Variants in MYH14 observed in about 807,000 individuals in gnomAD.
The protein encoded by MYH14 is myosin-14.
MYH14 carries 123 observed loss-of-function variants against 255.5 expected under a neutral mutation model. The observed-to-expected ratio is 0.48, with a 90% CI of 0.42 to 0.56. The LOEUF (loss-of-function observed/expected upper bound fraction) is 0.56. Among genes scored for constraint, MYH14 ranks in the 20% least tolerant of loss-of-function variants. The pLI is 0.00. For synonymous variants in MYH14, 1,095 were observed against 1,161.2 expected, an observed-to-expected ratio of 0.94 and a Z score of 1.16; for missense variants, 2,423 against 2,802.3, an observed-to-expected ratio of 0.86 and a Z score of 3.06.
At position 50,272,594 on chromosome 19, in the gene MYH14, G is replaced by A; in HGVS notation, c.3330G>A (p.Glu1110=). The A allele has an allele frequency of 6.3e-7, 1 of 1,580,956 alleles. No homozygotes were observed. Among genetic ancestry groups the A allele is most frequent in the Non-Finnish European group, 8.6e-7 (1 of 1,164,404 alleles). ...RLRKEEKGRQ[E]LEKLKRRLDG... is the part of the protein sequence containing the mutation. ...GGAAGGAGGAGAAGGGTCGCCAGGA[G>A]CTGGAGAAGCTGAAGCGGAGGCTGG... is the stretch of plus-strand genomic sequence containing the variant. Residue 1110 remains glutamate, a synonymous_variant, in exon 27 of 43, where the codon GAG becomes GAA. Coordinates refer to ENST00000642316, the MANE Select transcript of MYH14 (RefSeq NM_001145809.2).
intron 5 of MYH14, 25 bp from the exon 6 acceptor site, chr19:50,224,129 G>C: frequency 6.2e-7 from 1 of 1,611,758 alleles, no homozygotes; most frequent in Non-Finnish European, 8.5e-7. Context: ...CCTGGTCCGT[G>C]TCTCGTGTCC....
At chr19:50,225,465 A>G (rs572328363) in intron 6 of MYH14, 120 bp from the exon 7 acceptor site, 13 of 706,868 alleles carry the variant, frequency 1.8e-5, no homozygotes, top group Non-Finnish European at 2.9e-5. Context: ...ACACGCCCAG[A>G]CACACAAAGG....
intron 2 of MYH14, among the ~76,000 whole-genome samples, chr19:50,213,140 T>C (rs370985032): frequency 6.6e-6 from 1 of 151,850 alleles, no homozygotes. Flanking sequence ...TTTAGTAGAG[T>C]TGGGGTTTCA....
intron 39 of MYH14, among the ~76,000 whole-genome samples, chr19:50,295,541 G>T (rs748332943): frequency 3.9e-5 from 6 of 151,908 alleles, no homozygotes; most frequent in Admixed American, 2.6e-4. Flanking sequence ...AGTGGGTCAC[G>T]CCTGGAATCC....
Position 50,250,770 on chromosome 19 carries a change from G to A in MYH14, c.1830+82G>A. On this transcript the variant is annotated intron_variant, in intron 15 of 42. Coordinates refer to ENST00000642316, the MANE Select transcript of MYH14 (RefSeq NM_001145809.2). The surrounding 1 kb of genome is among the most constrained non-coding windows in gnomAD (Gnocchi z 5.4). ...TGGCTACAGATGGGGGGAGGGTGCA[G>A]AGGGAAAACAGGGTCCTCCTGAGGT... 1 of 1,441,840 alleles carries A rather than the reference G, an allele frequency of 6.9e-7. No homozygotes were observed. The highest frequency in any genetic ancestry group is 1.3e-5 in the South Asian group (1 of 77,160). The allele number at this position is 1,441,840 out of a possible 1,614,324, so 89.3% of individuals were successfully genotyped here.
intron 40 of MYH14, among the ~76,000 whole-genome samples, chr19:50,302,109 T>C (rs2036503345): frequency 2.0e-5 from 2 of 101,772 alleles, no homozygotes; most frequent in Admixed American, 1.2e-4. Context: ...CAAGACCTCA[T>C]CTCTAAAAAA....
In MYH14 at chr19:50,280,256, C is replaced by A; in HGVS notation, c.4163C>A (p.Ala1388Glu). The change falls in exon 32 of 43, where the codon GCG becomes GAG. Residue 1388 changes from alanine (A) to glutamate (E), a missense_variant. By Grantham distance (107) the Ala-to-Glu change is moderately radical (BLOSUM62 -1). Transcript: ENST00000642316. This position sits in a 1 kb window ranked among gnomAD's most constrained non-coding sequence, Gnocchi z 4.8. The stretch of plus-strand genomic sequence containing the variant: ...GAGCTGCTGCAGGAGGAGACCAGGG[C>A]GAAATTGGCCTTGGGGTCCCGGGTG... Reference protein sequence around the residue: ...AQELLQEETRAKLALGSRVRA... With the variant: ...AQELLQEETREKLALGSRVRA... The A allele has an allele frequency of 1.3e-6, 2 of 1,551,686 alleles. No individual in the cohort carries two copies. Among genetic ancestry groups the A allele is most frequent in the Non-Finnish European group, 8.7e-7 (1 of 1,146,980 alleles).
At chr19:50,213,911 A>G (rs1267225918) in intron 2 of MYH14, among the ~76,000 whole-genome samples, 1 of 151,866 alleles carries the variant, frequency 6.6e-6, no homozygotes, top group Non-Finnish European at 1.5e-5. Context: ...CTGCAGCTCA[A>G]CCTCCTGGGC....
Position 50,292,310 on chromosome 19 carries a change from G to A in MYH14, c.5177G>A (p.Arg1726Gln), listed in dbSNP as rs747204998. 61 of 1,598,518 alleles carry A rather than the reference G, an allele frequency of 3.8e-5. No individual in the cohort carries two copies. Among genetic ancestry groups the A allele is most frequent in the African/African-American group, 2.5e-4 (19 of 74,624 alleles). ...WREVEETRTS[R>Q]EEIFSQNRES... is the part of the protein sequence containing the mutation. The stretch of plus-strand genomic sequence containing the variant: ...GAGGTGGAGGAGACACGCACCTCCC[G>A]GGAGGAGATCTTCTCCCAGAATCGG... Residue 1726 changes from arginine to glutamine, a missense_variant, in exon 37 of 43, where the codon CGG becomes CAG. By Grantham distance (43) the Arg-to-Gln change is conservative. Around this residue, in one of 3 missense-constraint regions of MYH14, gnomAD observed 1,513 missense variants for 1,674.8 expected, o/e 0.90. Transcript: ENST00000642316.
chr19:50,309,371 C>G (rs531772964), intron 42 of MYH14, 194 bp downstream of exon 42: 1 of 631,654 alleles, frequency 1.6e-6, no homozygotes, highest in African/African-American at 1.8e-5. Context: ...CCATTTCTCC[C>G]TGTCATCTCT....
intron 8 of MYH14, among the ~76,000 whole-genome samples, chr19:50,229,150 T>G (rs949682321): frequency 6.6e-6 from 1 of 152,156 alleles, no homozygotes; most frequent in Non-Finnish European, 1.5e-5. Context: ...CTCCCTGCCT[T>G]CCAGCTTTCC....
chr19:50,231,843 A>G (rs772449017), intron 9 of MYH14, 87 bp from the exon 10 acceptor site: 11 of 1,557,824 alleles, frequency 7.1e-6, no homozygotes, highest in Non-Finnish European at 7.9e-6. Context: ...AGGATATGGC[A>G]TGTCCTGGGA....
At chr19:50,245,461 A>T (rs2034074464) in intron 11 of MYH14, among the ~76,000 whole-genome samples, 1 of 150,164 alleles carries the variant, frequency 6.7e-6, no homozygotes, top group Non-Finnish European at 1.5e-5. Context: ...AAGAAGAAGA[A>T]AGAAAGAAAA....
intron 34 of MYH14, among the ~76,000 whole-genome samples, chr19:50,286,901 T>C (rs1472837722): frequency 6.6e-6 from 1 of 152,138 alleles, no homozygotes; most frequent in East Asian, 1.9e-4. Context: ...GCGGATCACC[T>C]GAGGTCAGGA....
Position 50,216,807 on chromosome 19 carries a change from T to C in MYH14, c.406-808T>C, listed in dbSNP as rs1294116626. Among the ~76,000 whole-genome samples, 240 of 76,442 alleles carry C rather than the reference T, an allele frequency of 3.1e-3. 1 individual carries two copies. Among genetic ancestry groups the C allele is most frequent in the African/African-American group, 7.4e-3 (218 of 29,306 alleles). 50.1% of individuals were successfully genotyped at this position (76,442 alleles called of 152,430 possible). On this transcript the variant is annotated intron_variant, in intron 2 of 42. Coordinates refer to ENST00000642316, the MANE Select transcript of MYH14 (RefSeq NM_001145809.2). ...GATTCCTCTTCCATCCTTTCTTTTT[T>C]TTTTTTTTTTTTTTTTTTGAGACAG...
At chr19:50,277,992 A>G in intron 29 of MYH14, 91 bp from the exon 30 acceptor site, 1 of 941,262 alleles carries the variant, frequency 1.1e-6, no homozygotes, top group Admixed American at 3.3e-5. Flanking sequence ...GGCAGAGGGA[A>G]CAGCCAGTGC....
rs765116556 is a variant in MYH14 at position 50,210,505 on chromosome 19, A to G, written c.140A>G (p.Gln47Arg). 1 of 1,566,376 alleles carries G rather than the reference A, an allele frequency of 6.4e-7. No individual in the cohort carries two copies. ...GGGPGSGTSP[Q>R]VEWTARRLVW... ...GGGCCTGGCTCGGGCACCTCCCCGCAGGTGGAGTGGACGGCCCGGCGTCTC... is the reference window on the plus strand; with the variant it reads ...GGGCCTGGCTCGGGCACCTCCCCGCGGGTGGAGTGGACGGCCCGGCGTCTC... The change falls in exon 2 of 43, where the codon CAG (glutamine) becomes CGG (arginine). Residue 47 changes from glutamine (Q) to arginine (R), a missense_variant. Physicochemically the swap from Gln to Arg is conservative, Grantham distance 43. Coordinates refer to ENST00000642316, the MANE Select transcript of MYH14 (RefSeq NM_001145809.2).
intron 2 of MYH14, among the ~76,000 whole-genome samples, chr19:50,216,502 G>A (rs540352361): frequency 6.6e-6 from 1 of 152,106 alleles, no homozygotes; most frequent in Admixed American, 6.6e-5. Flanking sequence ...TACTCTCGAG[G>A]CTGAGGTGAG....
intron 33 of MYH14, among the ~76,000 whole-genome samples, chr19:50,282,760 G>A (rs2035769206): frequency 6.6e-6 from 1 of 152,044 alleles, no homozygotes; most frequent in African/African-American, 2.4e-5. Context: ...CCTGTAGGTG[G>A]TGCAGTATGT....
Sources: allele counts gnomAD v4.1 joint callset (sites outside exome capture counted in the v4.1 genomes callset), GRCh38; gene constraint gnomAD v4.1.1; regional missense constraint gnomAD v4.1.1; non-coding constraint Gnocchi (gnomAD v3.1); transcripts MANE v1.5; gene names NCBI Gene and HGNC (gene_info 2026-07-23, HGNC 2026-07-21).